The following UNC5C variants were observed in gnomAD, a reference collection of about 807,000 sequenced individuals.
The protein encoded by UNC5C is netrin receptor UNC5C.
A neutral mutation model predicts 99.8 loss-of-function variants in UNC5C; 47 were observed. The observed-to-expected ratio is 0.47, with a 90% CI of 0.37 to 0.60. The LOEUF (loss-of-function observed/expected upper bound fraction) is 0.60. Ranked by LOEUF, UNC5C falls within the 20% of genes least tolerant of loss-of-function variation. The probability of loss-of-function intolerance (pLI) is 0.00; values close to 1 mark genes in which losing one functional copy is unlikely to be tolerated. For missense variants in UNC5C, 1,062 were observed against 1,165.9 expected, an observed-to-expected ratio of 0.91 and a Z score of 1.30; for synonymous variants, 487 against 452.2, an observed-to-expected ratio of 1.08 and a Z score of -0.98.
chr4:95,349,667 A>T (rs553363485), intron 1 of UNC5C, among the ~76,000 whole-genome samples: 2 of 151,862 alleles, frequency 1.3e-5, no homozygotes, highest in Non-Finnish European at 2.9e-5. Context: ...CATTAAATTC[A>T]ACCCTCCCAA....
intron 1 of UNC5C, among the ~76,000 whole-genome samples, chr4:95,350,621 A>G (rs968146766): frequency 6.6e-6 from 1 of 152,194 alleles, no homozygotes; most frequent in Non-Finnish European, 1.5e-5. Flanking sequence ...AAATTCAATA[A>G]TTATTGACAG....
intron 12 of UNC5C, among the ~76,000 whole-genome samples, chr4:95,192,174 C>A (rs1308385358): frequency 2.1e-5 from 3 of 142,190 alleles, no homozygotes; most frequent in Admixed American, 7.0e-5. Context: ...TTCCCCTGCT[C>A]ACCTCCTCCC....
At position 95,325,994 on chromosome 4, in the gene UNC5C, G is replaced by A. The variant is rs151161527; in HGVS notation, c.346+9416C>T. On this transcript the variant is annotated intron_variant, in intron 2 of 15. Transcript: ENST00000453304. ...GGTAAAATTTAGGGAGACACCAGGC[G>A]CAGGGCCAAGAGCAAAGGTTTTGGA... Among the ~76,000 whole-genome samples the A allele has an allele frequency of 9.9e-5, 15 of 152,180 alleles. No homozygotes were observed. The East Asian group carries it at 2.5e-3, about 25-fold the overall frequency.
intron 1 of UNC5C, among the ~76,000 whole-genome samples, chr4:95,531,596 T>C (rs1035459645): frequency 6.6e-6 from 1 of 152,244 alleles, no homozygotes; most frequent in Admixed American, 6.5e-5. Context: ...CACTGTACTA[T>C]TTCCTTGTCA....
intron 1 of UNC5C, among the ~76,000 whole-genome samples, chr4:95,475,632 A>T (rs916103088): frequency 6.6e-6 from 1 of 152,116 alleles, no homozygotes; most frequent in Non-Finnish European, 1.5e-5. Context: ...ATTTTGCATG[A>T]CCAGAACAAT....
intron 1 of UNC5C, among the ~76,000 whole-genome samples, chr4:95,352,657 A>C (rs1744033642): frequency 1.3e-5 from 2 of 152,082 alleles, no homozygotes; most frequent in African/African-American, 4.8e-5. Context: ...CCCAATCCAG[A>C]CTACAAGATC....
chr4:95,319,559 C>T (rs4699854), intron 2 of UNC5C, among the ~76,000 whole-genome samples: 92,996 of 152,020 alleles, frequency 0.61, 28,831 homozygotes, highest in East Asian at 0.85. Context: ...CTGGTTTTTA[C>T]ATCTCCAAAA....
chr4:95,283,654 C>T (rs148103906), intron 3 of UNC5C, among the ~76,000 whole-genome samples: 2 of 152,308 alleles, frequency 1.3e-5, no homozygotes, highest in East Asian at 3.9e-4. Context: ...GAAAAACGAA[C>T]ACTTGTCAGC....
intron 1 of UNC5C, among the ~76,000 whole-genome samples, chr4:95,453,804 T>C (rs1015849966): frequency 1.4e-4 from 21 of 152,278 alleles, no homozygotes; most frequent in African/African-American, 4.6e-4. Context: ...GACTTTACCA[T>C]CTTGTCAGAG....
intron 2 of UNC5C, among the ~76,000 whole-genome samples, chr4:95,317,156 A>G (rs562736636): frequency 6.6e-6 from 1 of 152,266 alleles, no homozygotes; most frequent in South Asian, 2.1e-4. Context: ...TGCTCTTTCT[A>G]ATGATCTGGG....
chr4:95,190,041 T>C (rs1018519966), intron 12 of UNC5C, among the ~76,000 whole-genome samples: 5 of 152,234 alleles, frequency 3.3e-5, no homozygotes, highest in African/African-American at 7.2e-5. Flanking sequence ...CACATGCACA[T>C]GTATGTTTAT....
chr4:95,476,251 C>G (rs1224279394), intron 1 of UNC5C, among the ~76,000 whole-genome samples: 1 of 152,152 alleles, frequency 6.6e-6, no homozygotes, highest in African/African-American at 2.4e-5. Context: ...GTCATGCTCT[C>G]TCTCTTCAGA....
At chr4:95,507,688 C>A (rs947090708) in intron 1 of UNC5C, among the ~76,000 whole-genome samples, 3 of 151,898 alleles carry the variant, frequency 2.0e-5, no homozygotes, top group Non-Finnish European at 4.4e-5. Context: ...CTATGTATAG[C>A]CATTTATTCC....
intron 1 of UNC5C, among the ~76,000 whole-genome samples, chr4:95,485,883 C>T (rs540752745): frequency 3.6e-4 from 55 of 151,564 alleles, no homozygotes; most frequent in Non-Finnish European, 7.1e-4. Context: ...TCCACAGGTC[C>T]AACCACGCAT....
At chr4:95,418,032 C>T (rs1486585668) in intron 1 of UNC5C, among the ~76,000 whole-genome samples, 1 of 152,110 alleles carries the variant, frequency 6.6e-6, no homozygotes, top group Non-Finnish European at 1.5e-5. Context: ...TGATTAGAAA[C>T]TTTATGGTGA....
At chr4:95,218,548 C>A (rs1157294725) in intron 9 of UNC5C, among the ~76,000 whole-genome samples, 4 of 152,036 alleles carry the variant, frequency 2.6e-5, no homozygotes, top group African/African-American at 7.2e-5. Context: ...CTCTGATGAT[C>A]AAAAAATTTG....
intron 4 of UNC5C, among the ~76,000 whole-genome samples, chr4:95,264,670 C>T (rs545577893): frequency 2.6e-5 from 4 of 152,284 alleles, no homozygotes; most frequent in South Asian, 2.1e-4. Flanking sequence ...TTCCCAATCC[C>T]TCTCTATGCA....
At chr4:95,242,334 G>A in intron 7 of UNC5C, 95 bp downstream of exon 7, 1 of 1,499,004 alleles carries the variant, frequency 6.7e-7, no homozygotes, top group East Asian at 2.4e-5. Flanking sequence ...TATTGTTGTT[G>A]AAAGAATTCT....
chr4:95,277,674 G>A lies in UNC5C; in HGVS notation c.594+585C>T, dbSNP rs538924228. 6.6e-5 allele frequency among the ~76,000 whole-genome samples: 10 copies of A among 152,292 alleles called. 1 individual carries two copies. The South Asian group carries it at 1.9e-3, about 28-fold the overall frequency. On this transcript the variant is annotated intron_variant, in intron 4 of 15. Coordinates refer to ENST00000453304, the MANE Select transcript of UNC5C (RefSeq NM_003728.4). ...GCATCTGATTTGTAATACTTCATTAGCAACCAATAGGCTTTGTTCTAGCAG... is the reference window on the plus strand; with the variant it reads ...GCATCTGATTTGTAATACTTCATTAACAACCAATAGGCTTTGTTCTAGCAG...
Sources: gnomAD v4.1 joint callset for allele counts (sites outside exome capture counted in the v4.1 genomes callset) on GRCh38, gnomAD v4.1.1 for gene constraint, MANE v1.5 for transcripts, NCBI Gene and HGNC (gene_info 2026-07-23, HGNC 2026-07-21) for gene names.